Variants in SPACA7 observed in about 807,000 individuals in gnomAD.
SPACA7 encodes the protein sperm acrosome-associated protein 7.
SPACA7 carries 19 observed loss-of-function variants against 26.3 expected under a neutral mutation model. That is an observed-to-expected ratio of 0.72 (90% CI 0.50 to 1.06). The LOEUF (loss-of-function observed/expected upper bound fraction) is 1.06, where lower values mean the gene tolerates loss of function less well. SPACA7 is among the 50% of genes least tolerant of loss of function. The pLI, the probability that SPACA7 is intolerant of heterozygous loss-of-function variation, is 0.00. For missense variants in SPACA7, 211 were observed against 229.9 expected (o/e 0.92, Z 0.53); for synonymous variants, 84 against 84.5 (o/e 0.99, Z 0.04).
intron 5 of SPACA7, among the ~76,000 whole-genome samples, chr13:112,404,335 T>A (rs1885838633): frequency 6.6e-6 from 1 of 152,354 alleles, no homozygotes; most frequent in Admixed American, 6.5e-5. Flanking sequence ...ATCAAATGTA[T>A]AGATTGTGAA....
chr13:112,422,491 A>G (rs964193330), intron 5 of SPACA7, among the ~76,000 whole-genome samples: 1 of 152,238 alleles, frequency 6.6e-6, no homozygotes, highest in African/African-American at 2.4e-5. Flanking sequence ...AAGAATGCAT[A>G]TCTTTACAAA....
rs762131630 is a variant in SPACA7 at position 112,376,439 on chromosome 13, T to C, written c.54T>C (p.Cys18=). 3.2e-5 allele frequency: 51 copies of C among 1,613,698 alleles called. No homozygotes were observed. Among genetic ancestry groups the C allele is most frequent in the Non-Finnish European group, 3.9e-5 (46 of 1,179,900 alleles). Residue 18 remains cysteine, a synonymous_variant, in exon 1 of 7, where the codon TGT becomes TGC. Coordinates refer to ENST00000283550, the MANE Select transcript of SPACA7 (RefSeq NM_145248.5). ...TCTGCTTTGTCCTCCTGCTGTGCTG[T>C]TGGCAAGAAACTGAGCTCCGGCCGA... ...GTLCFVLLLC[C]WQETELRPRT...
intron 4 of SPACA7, among the ~76,000 whole-genome samples, chr13:112,400,388 C>T (rs923851448): frequency 6.6e-6 from 1 of 152,220 alleles, no homozygotes; most frequent in Non-Finnish European, 1.5e-5. Context: ...TGGCGAGTTT[C>T]TCTTTCTGCC....
chr13:112,388,059 C>G (rs1205869523), intron 1 of SPACA7, among the ~76,000 whole-genome samples: 1 of 152,146 alleles, frequency 6.6e-6, no homozygotes, highest in Non-Finnish European at 1.5e-5. Context: ...TGTGACCAGA[C>G]AAATAAGGAG....
chr13:112,376,505 C>A (rs1390109447), intron 1 of SPACA7, 26 bp downstream of exon 1: 1 of 1,604,234 alleles, frequency 6.2e-7, no homozygotes, highest in South Asian at 1.1e-5. Flanking sequence ...GATGTCTCAG[C>A]AGAAAGAGAA....
intron 5 of SPACA7, among the ~76,000 whole-genome samples, chr13:112,411,026 T>C (rs1467358013): frequency 6.6e-6 from 1 of 152,106 alleles, no homozygotes; most frequent in Non-Finnish European, 1.5e-5. Flanking sequence ...CTGAAAAAAA[T>C]AATTAATGGA....
rs549520591 is a variant in SPACA7, at chr13:112,426,994, G to A, written c.446-5450G>A. On this transcript the variant is annotated intron_variant, in intron 5 of 6. Transcript: ENST00000283550. ...AAGCATTTGGTCATTTGCTAGGAAGGATGATGTTAGCTGCAGGGATTTTTT... is the reference window on the plus strand; with the variant it reads ...AAGCATTTGGTCATTTGCTAGGAAGAATGATGTTAGCTGCAGGGATTTTTT... 1.5e-4 allele frequency among the ~76,000 whole-genome samples: 23 copies of A among 152,324 alleles called. No homozygotes were observed. In the South Asian group the frequency reaches 4.3e-3, roughly 29 times the overall value.
intron 5 of SPACA7, among the ~76,000 whole-genome samples, chr13:112,427,879 A>T (rs1876691997): frequency 1.3e-5 from 2 of 152,138 alleles, no homozygotes; most frequent in South Asian, 4.1e-4. Flanking sequence ...TGTCTGCAGG[A>T]ACTGTAGTGA....
intron 5 of SPACA7, among the ~76,000 whole-genome samples, chr13:112,426,485 G>C (rs1231383676): frequency 6.6e-6 from 1 of 152,292 alleles, no homozygotes; most frequent in South Asian, 2.1e-4. Context: ...CAAATCTATA[G>C]ATCAATTTGG....
chr13:112,391,206 A>G (rs1023899101), intron 1 of SPACA7, among the ~76,000 whole-genome samples: 3 of 152,356 alleles, frequency 2.0e-5, no homozygotes, highest in South Asian at 2.1e-4. Flanking sequence ...TCATCCAAAC[A>G]GTTGAAACAG....
At chr13:112,395,377 G>A (rs1373946534) in intron 2 of SPACA7, among the ~76,000 whole-genome samples, 10 of 152,232 alleles carry the variant, frequency 6.6e-5, no homozygotes, top group Non-Finnish European at 1.0e-4. Context: ...TGCCTGAGTC[G>A]TTGCTAGAGG....
At position 112,383,197 on chromosome 13, in the gene SPACA7, A is replaced by C. The variant is rs1226226747; in HGVS notation, c.94+6718A>C. Among the ~76,000 whole-genome samples the C allele has an allele frequency of 1.8e-3, 249 of 137,520 alleles. 2 individuals are homozygous for C. Among genetic ancestry groups the C allele is most frequent in the African/African-American group, 7.1e-3 (240 of 33,940 alleles). The allele number at this position is 137,520 out of a possible 152,430, so 90.2% of individuals were successfully genotyped here. A position where few individuals can be genotyped will look rare whatever the true frequency, so the allele number is the denominator to read the frequency against. ...AGAAAGAAAGAAAGAAAGAAAGAAA[A>C]GAAAGAAAGAAAGGAAAGAAGGAAG... On this transcript the variant is annotated intron_variant, in intron 1 of 6. Transcript: ENST00000283550.
At chr13:112,430,892 C>A (rs1405683425) in intron 5 of SPACA7, among the ~76,000 whole-genome samples, 1 of 152,212 alleles carries the variant, frequency 6.6e-6, no homozygotes, top group Non-Finnish European at 1.5e-5. Context: ...CCACAAATAG[C>A]TAACCTGAAT....
chr13:112,429,454 T>C (rs1051183348), intron 5 of SPACA7, among the ~76,000 whole-genome samples: 3 of 152,198 alleles, frequency 2.0e-5, no homozygotes, highest in Non-Finnish European at 2.9e-5. Context: ...CTTTGAGATT[T>C]AAGTAACTAT....
intron 5 of SPACA7, among the ~76,000 whole-genome samples, chr13:112,408,110 G>GA (rs1008612948): frequency 3.3e-5 from 5 of 152,112 alleles, no homozygotes; most frequent in East Asian, 3.9e-4. Context: ...CAGAACCAAA[G>GA]AAAAAACCAC....
chr13:112,417,988 T>C (rs2139033167), intron 5 of SPACA7, among the ~76,000 whole-genome samples: 1 of 152,338 alleles, frequency 6.6e-6, no homozygotes, highest in Admixed American at 6.5e-5. Flanking sequence ...CTTTCCTGTT[T>C]TTCTGTGTCA....
At chr13:112,426,126 G>C (rs1876513018) in intron 5 of SPACA7, among the ~76,000 whole-genome samples, 1 of 152,122 alleles carries the variant, frequency 6.6e-6, no homozygotes. Context: ...GTTTTGGTTT[G>C]GATTTTTGCA....
chr13:112,399,050 A>G lies in SPACA7; in HGVS notation c.242-16A>G. On this transcript the variant is annotated splice_polypyrimidine_tract_variant and intron_variant, in intron 3 of 6. Coordinates refer to ENST00000283550, the MANE Select transcript of SPACA7 (RefSeq NM_145248.5). ...AGAAAACTTTTCCCCATTTTTTTCC[A>G]TGTTCTTCATTGAAGATGCTGGTAT... 1 of 1,523,154 alleles carries G rather than the reference A, an allele frequency of 6.6e-7. No homozygotes were observed. The highest frequency in any genetic ancestry group is 1.8e-4 in the Middle Eastern group (1 of 5,714). The allele number at this position is 1,523,154 out of a possible 1,614,324, so 94.4% of individuals were successfully genotyped here. A position where few individuals can be genotyped will look rare whatever the true frequency, so the allele number is the denominator to read the frequency against.
At chr13:112,380,396 A>C (rs1205729757) in intron 1 of SPACA7, among the ~76,000 whole-genome samples, 2 of 127,448 alleles carry the variant, frequency 1.6e-5, no homozygotes, top group South Asian at 5.1e-4. Flanking sequence ...CAAGAGCAAA[A>C]CTCAGTCTCA....
Sources: allele counts gnomAD v4.1 joint callset (sites outside exome capture counted in the v4.1 genomes callset), GRCh38; gene constraint gnomAD v4.1.1; transcripts MANE v1.5; gene names NCBI Gene and HGNC (gene_info 2026-07-23, HGNC 2026-07-21).